Variants in NXT2 observed in about 807,000 individuals in gnomAD.
NXT2 encodes the protein NTF2-related export protein 2.
A neutral mutation model predicts 9.6 loss-of-function variants in NXT2; 1 was observed. The observed-to-expected ratio is 0.10, with a 90% confidence interval of 0.04 to 0.49. NXT2 has a LOEUF of 0.49. Among genes scored for constraint, NXT2 ranks in the 20% least tolerant of loss-of-function variants. The pLI, the probability that NXT2 is intolerant of heterozygous loss-of-function variation, is 0.95. For synonymous variants in NXT2, 22 were observed against 35.4 expected, an observed-to-expected ratio of 0.62 and a Z score of 1.34; for missense variants, 48 against 100.3, an observed-to-expected ratio of 0.48 and a Z score of 2.23.
chrX:109,541,722 C>A, intron 3 of NXT2, 103 bp downstream of exon 3: 1 of 631,711 alleles, frequency 1.6e-6, no homozygotes, highest in Non-Finnish European at 2.3e-6. Context: ...GAACTATTTA[C>A]TTACTTGAGC....
At chrX:109,540,043 G>T (rs958676238) in intron 2 of NXT2, among the ~76,000 whole-genome samples, 7 of 111,661 alleles carry the variant, frequency 6.3e-5, no homozygotes, top group Non-Finnish European at 1.3e-4. Flanking sequence ...TCAGTTTTCT[G>T]CATATGACTA....
chrX:109,535,973 T>A (rs764577927), upstream of NXT2: 1 of 1,187,624 alleles, frequency 8.4e-7, no homozygotes, highest in Non-Finnish European at 1.1e-6. Context: ...CACCAGCCAC[T>A]CAAGGTAAAA....
At chrX:109,537,239 G>T in intron 1 of NXT2, 1 of 1,012,444 alleles carries the variant, frequency 9.9e-7, no homozygotes, top group Non-Finnish European at 1.3e-6. Context: ...AGGACCCTGA[G>T]CTGGGAAATA....
rs775907051 is a variant in NXT2 at position 109,536,928 on chromosome X, A to G, written c.-79A>G. ...TTCGCTCTCTTCATAAGTATTGATC[A>G]TTCCGCAGCCCTGCGGACCGGACAC... On this transcript the variant is annotated 5_prime_UTR_variant, in exon 1 of 4. Coordinates refer to ENST00000372106, the MANE Select transcript of NXT2 (RefSeq NM_001242617.2). The G allele has an allele frequency of 1.4e-5, 17 of 1,210,519 alleles. No individual in the cohort carries two copies. In the South Asian group the frequency reaches 3.0e-4, roughly 21 times the overall value.
At chrX:109,538,165 C>T (rs771323823) in intron 2 of NXT2, 34 bp downstream of exon 2, 1 of 845,890 alleles carries the variant, frequency 1.2e-6, no homozygotes, top group South Asian at 2.3e-5. Context: ...TCTTTATAGA[C>T]TACTACTCTT....
upstream of NXT2, chrX:109,536,029 G>A (rs369334711): frequency 4.8e-5 from 48 of 990,702 alleles, no homozygotes; most frequent in South Asian, 1.9e-4. Flanking sequence ...AGTCATTGGC[G>A]GCTTTGGGAT....
At position 109,537,029 on chromosome X, in the gene NXT2, C is replaced by T; in HGVS notation, c.15+8C>T. 8.3e-7 allele frequency: 1 copy of T among 1,205,939 alleles called. No individual in the cohort carries two copies. Among genetic ancestry groups the T allele is most frequent in the South Asian group, 1.8e-5 (1 of 56,077 alleles). On this transcript the variant is annotated splice_region_variant and intron_variant, in intron 1 of 3. Transcript: ENST00000372106. Reference sequence around the variant, plus strand: ...CAGATGGCCACGTCTCTGGTGAGTGCCTGGGCCGTGGCAGGACGGCTGGGC... The same window carrying T: ...CAGATGGCCACGTCTCTGGTGAGTGTCTGGGCCGTGGCAGGACGGCTGGGC...
Position 109,543,261 on chromosome X carries a change from T to G in NXT2, c.*573T>G, listed in dbSNP as rs1056559622. The stretch of plus-strand genomic sequence containing the variant: ...AAGTAATTTTTGTTTTGGCATTTTT[T>G]TGTGTGAAGTAAATTAATCAACTAG... On this transcript the variant is annotated 3_prime_UTR_variant, in exon 4 of 4. Transcript: ENST00000372106. The G allele has an allele frequency of 1.8e-5, 2 of 112,368 alleles. No individual in the cohort carries two copies. The highest frequency in any genetic ancestry group is 1.9e-5 in the Non-Finnish European group (1 of 53,177). The allele number at this position is 112,368 out of a possible 1,213,427, so 9.3% of individuals were successfully genotyped here.
intron 1 of NXT2, 154 bp downstream of exon 1, chrX:109,537,175 C>G: frequency 9.5e-7 from 1 of 1,055,561 alleles, no homozygotes; most frequent in Non-Finnish European, 1.2e-6. Context: ...CTTTGCTGCC[C>G]GCCCTGCCGG....
At chrX:109,537,132 C>T (rs770738124) in intron 1 of NXT2, 111 bp downstream of exon 1, 14 of 1,103,302 alleles carry the variant, frequency 1.3e-5, no homozygotes, top group Non-Finnish European at 1.7e-5. Flanking sequence ...CGAATCACGT[C>T]CCGGCTCTCT....
Position 109,544,202 on chromosome X carries a change from G to A in NXT2, c.*1514G>A, listed in dbSNP as rs1933480410. On this transcript the variant is annotated 3_prime_UTR_variant, in exon 4 of 4. Coordinates refer to ENST00000372106, the MANE Select transcript of NXT2 (RefSeq NM_001242617.2). ...TGTTTCTACATTGCAACCAAAAACT[G>A]TTTCTTTTCACTTAATTATAAAACC... is the stretch of plus-strand genomic sequence containing the variant. 1 of 112,255 alleles carries A rather than the reference G, an allele frequency of 8.9e-6. No homozygotes were observed. Among genetic ancestry groups the A allele is most frequent in the South Asian group, 3.6e-4 (1 of 2,755 alleles). 9.3% of individuals were successfully genotyped at this position (112,255 alleles called of 1,213,427 possible).
At chrX:109,537,208 A>G in intron 1 of NXT2, 187 bp downstream of exon 1, 1 of 1,030,537 alleles carries the variant, frequency 9.7e-7, no homozygotes, top group Non-Finnish European at 1.2e-6. Context: ...CCTGGTTAGC[A>G]GTCGCTTTCT....
At chrX:109,537,057 C>G (rs775461119) in intron 1 of NXT2, 36 bp downstream of exon 1, 1 of 1,193,980 alleles carries the variant, frequency 8.4e-7, no homozygotes. Context: ...GGCTGGGCGC[C>G]GGACTCCAGT....
chrX:109,540,871 G>A (rs1358672777), intron 2 of NXT2, among the ~76,000 whole-genome samples: 2 of 111,727 alleles, frequency 1.8e-5, no homozygotes, highest in Non-Finnish European at 3.8e-5. Context: ...AGGATTTCTT[G>A]ACCCCAAGAG....
chrX:109,537,092 G>T, intron 1 of NXT2, 71 bp downstream of exon 1: 1 of 1,155,949 alleles, frequency 8.7e-7, no homozygotes, highest in Non-Finnish European at 1.2e-6. Context: ...ATTCCGGGGC[G>T]GTCTGGCTGC....
rs1011364893 is a variant in NXT2, at chrX:109,544,212, A to G, written c.*1524A>G. 6.2e-5 allele frequency: 7 copies of G among 112,561 alleles called. No individual in the cohort carries two copies. The highest frequency in any genetic ancestry group is 1.9e-4 in the African/African-American group (6 of 30,971). The allele number at this position is 112,561 out of a possible 1,213,427, so 9.3% of individuals were successfully genotyped here. On this transcript the variant is annotated 3_prime_UTR_variant, in exon 4 of 4. Transcript: ENST00000372106. ...TTGCAACCAAAAACTGTTTCTTTTC[A>G]CTTAATTATAAAACCAGTAATTCAT... is the stretch of plus-strand genomic sequence containing the variant.
chrX:109,539,491 C>T (rs1444635906), intron 2 of NXT2, among the ~76,000 whole-genome samples: 1 of 109,513 alleles, frequency 9.1e-6, no homozygotes, highest in African/African-American at 3.3e-5. Context: ...TTCCCACCCA[C>T]AGTGTAAAAG....
Position 109,538,059 on chromosome X carries a change from T to C in NXT2, c.30T>C (p.Tyr10=), listed in dbSNP as rs192859569. Residue 10 remains tyrosine (Y), a synonymous_variant, in exon 2 of 4, where the codon TAT becomes TAC. Transcript: ENST00000372106. ...TTTTCTTGTAGGATTTTAAAACTTA[T>C]GTAGATCAGGCATGTAGAGCTGCTG... The part of the protein sequence containing the change: MATSLDFKT[Y]VDQACRAAEE... 2.2e-5 allele frequency: 26 copies of C among 1,194,323 alleles called. No individual in the cohort carries two copies. Among genetic ancestry groups the C allele is most frequent in the Middle Eastern group, 2.3e-4 (1 of 4,306 alleles).
chrX:109,541,425 T>C (rs1449035128), intron 2 of NXT2, 50 bp from the exon 3 acceptor site: 2 of 1,068,060 alleles, frequency 1.9e-6, no homozygotes, highest in East Asian at 6.1e-5. Flanking sequence ...ATAAAATGTT[T>C]ATCTAGAAAC....
Sources: allele counts gnomAD v4.1 joint callset (sites outside exome capture counted in the v4.1 genomes callset), GRCh38; gene constraint gnomAD v4.1.1; transcripts MANE v1.5; gene names NCBI Gene and HGNC (gene_info 2026-07-23, HGNC 2026-07-21).